LRRC37A2: variants seen among roughly 807,000 people sequenced by gnomAD.
The protein encoded by LRRC37A2 is leucine rich repeat containing 37 member A2, also known as leucine-rich repeat-containing protein 37A2.
LRRC37A2 carries 9 observed loss-of-function variants against 68.8 expected under a neutral mutation model. That is an observed-to-expected ratio of 0.13 (90% CI 0.08 to 0.23). The LOEUF is 0.23. LRRC37A2 is among the 10% of genes least tolerant of loss of function. The pLI, the probability that LRRC37A2 is intolerant of heterozygous loss-of-function variation, is 1.00. For synonymous variants in LRRC37A2, 63 were observed against 367.6 expected (o/e 0.17, Z 9.48); for missense variants, 168 against 950.4 (o/e 0.18, Z 10.82).
At chr17:46,790,059 T>C in the LRRC37A2 span, among the ~76,000 whole-genome samples, 1 of 152,136 alleles carries the variant, frequency 6.6e-6, no homozygotes, top group Non-Finnish European at 1.5e-5. Context: ...AAGCGCTGGC[T>C]GCCCCTCCCT....
chr17:46,785,562 G>A, the LRRC37A2 span, among the ~76,000 whole-genome samples: 5 of 152,342 alleles, frequency 3.3e-5, no homozygotes, highest in South Asian at 1.0e-3. Flanking sequence ...TCTACATGCT[G>A]TGGACGACTT....
At chr17:46,978,395 A>AAG in the LRRC37A2 span, 1 of 499,720 alleles carries the variant, frequency 2.0e-6, no homozygotes, top group African/African-American at 2.1e-5. Flanking sequence ...CAAACAAACA[A>AAG]AAAAAACTGG....
the LRRC37A2 span, chr17:46,875,493 G>A: frequency 7.6e-7 from 1 of 1,307,812 alleles, no homozygotes; most frequent in East Asian, 2.5e-5. Flanking sequence ...ATAAAGGCAG[G>A]ATGAACTTCA....
the LRRC37A2 span, chr17:47,018,601 G>T: frequency 2.6e-6 from 4 of 1,520,338 alleles, no homozygotes; most frequent in African/African-American, 1.4e-5. Context: ...GAAGAAGCTG[G>T]ACCTTTAGCA....
chr17:46,793,540 C>T, the LRRC37A2 span, among the ~76,000 whole-genome samples: 1 of 152,094 alleles, frequency 6.6e-6, no homozygotes, highest in African/African-American at 2.4e-5. Context: ...GGACCCACGC[C>T]CAAGGCATTG....
the LRRC37A2 span, chr17:46,773,619 T>TGGGGGGGGGGGGGGGGGGGGGGGGG: frequency 1.3e-5 from 7 of 549,848 alleles, no homozygotes; most frequent in Non-Finnish European, 1.3e-5. Flanking sequence ...ACAGTCCTGA[T>TGGGGGGGGGGGGGGGGGGGGGGGGG]CCCTCCCCCC....
At chr17:47,000,402 T>C in the LRRC37A2 span, among the ~76,000 whole-genome samples, 1 of 151,964 alleles carries the variant, frequency 6.6e-6, no homozygotes, top group African/African-American at 2.4e-5. Flanking sequence ...GCCTGGCTAA[T>C]TTTTGTATTT....
the LRRC37A2 span, among the ~76,000 whole-genome samples, chr17:46,499,337 G>GC: frequency 2.2e-5 from 3 of 139,502 alleles, no homozygotes; most frequent in Admixed American, 7.1e-5. Flanking sequence ...AAAAAAAAAG[G>GC]TGGGGGGACA....
chr17:47,020,781 CAAAAAAAAAAA>C, the LRRC37A2 span, among the ~76,000 whole-genome samples: 13 of 20,110 alleles, frequency 6.5e-4, no homozygotes, highest in East Asian at 9.3e-4. Context: ...GACTCCATCT[CAAAAAAAAAAA>C]AAAAAAAAAA....
At chr17:46,872,579 AGGGC>A in the LRRC37A2 span, 1 of 1,602,268 alleles carries the variant, frequency 6.2e-7, no homozygotes, top group Non-Finnish European at 8.5e-7. Flanking sequence ...GCCCCGGCAC[AGGGC>A]GGGGCCCACC....
chr17:46,958,431 G>A, the LRRC37A2 span, among the ~76,000 whole-genome samples: 207 of 152,346 alleles, frequency 1.4e-3, no homozygotes, highest in African/African-American at 4.7e-3. Flanking sequence ...TCAGAGAATG[G>A]CTTCCTTTTA....
chr17:46,392,419 C>CTCTCTTTCTTTCTT, the LRRC37A2 span, among the ~76,000 whole-genome samples: 20 of 55,838 alleles, frequency 3.6e-4, 1 homozygote, highest in African/African-American at 1.1e-3. Flanking sequence ...TTCTCTCTCT[C>CTCTCTTTCTTTCTT]TCTTTCTTTC....
the LRRC37A2 span, among the ~76,000 whole-genome samples, chr17:46,924,964 A>G: frequency 4.0e-4 from 61 of 152,318 alleles, no homozygotes; most frequent in African/African-American, 1.4e-3. Flanking sequence ...GAATAACTTT[A>G]TTTAGAGAGT....
chr17:46,794,749 T>TC, the LRRC37A2 span, among the ~76,000 whole-genome samples: 5 of 128,762 alleles, frequency 3.9e-5, no homozygotes, highest in African/African-American at 1.2e-4. Flanking sequence ...TTTCTTTCTT[T>TC]TTCTTTTTTT....
chr17:46,801,240 G>A, the LRRC37A2 span, among the ~76,000 whole-genome samples: 1 of 152,330 alleles, frequency 6.6e-6, no homozygotes, highest in African/African-American at 2.4e-5. Context: ...AGAGGAGCGG[G>A]TGCAGGGCGG....
chr17:46,959,044 A>G, the LRRC37A2 span, among the ~76,000 whole-genome samples: 4 of 152,242 alleles, frequency 2.6e-5, no homozygotes, highest in Non-Finnish European at 4.4e-5. Flanking sequence ...GCTGCATGCA[A>G]GGCTGTCCTT....
chr17:47,000,038 TAAAATA>T, the LRRC37A2 span, among the ~76,000 whole-genome samples: 20 of 23,864 alleles, frequency 8.4e-4, 1 homozygote, highest in African/African-American at 1.5e-3. Flanking sequence ...TAAAATAAAA[TAAAATA>T]AAATAAAATA....
At chr17:46,783,289 C>T in the LRRC37A2 span, among the ~76,000 whole-genome samples, 1 of 152,210 alleles carries the variant, frequency 6.6e-6, no homozygotes, top group Non-Finnish European at 1.5e-5. Context: ...CCCCAGCTGT[C>T]AAGACTGGGG....
chr17:46,842,263 C>T, the LRRC37A2 span, among the ~76,000 whole-genome samples: 2 of 152,354 alleles, frequency 1.3e-5, no homozygotes, highest in East Asian at 3.9e-4. Context: ...GTCAGGAGAG[C>T]CTTCCAGCCA....
Sources: gnomAD v4.1 joint callset for allele counts (sites outside exome capture counted in the v4.1 genomes callset) on GRCh38, gnomAD v4.1.1 for gene constraint, MANE v1.5 for transcripts, NCBI Gene and HGNC (gene_info 2026-07-23, HGNC 2026-07-21) for gene names.